CAMTA1: variants seen among roughly 807,000 people sequenced by gnomAD.
CAMTA1 encodes the protein calmodulin binding transcription activator 1, also known as calmodulin-binding transcription activator 1.
A neutral mutation model predicts 170.9 loss-of-function variants in CAMTA1; 27 were observed. That is an observed-to-expected ratio of 0.16 (90% CI 0.12 to 0.22). CAMTA1 has a LOEUF of 0.22. Ranked by LOEUF, CAMTA1 falls within the 10% of genes least tolerant of loss-of-function variation. The probability of loss-of-function intolerance (pLI) is 1.00; values close to 1 mark genes in which losing one functional copy is unlikely to be tolerated. For synonymous variants in CAMTA1, 833 were observed against 891.5 expected (o/e 0.93, Z 1.17); for missense variants, 1,619 against 2,217.2 (o/e 0.73, Z 5.42).
At chr1:7,074,040 G>A (rs1638986409) in intron 3 of CAMTA1, among the ~76,000 whole-genome samples, 1 of 152,162 alleles carries the variant, frequency 6.6e-6, no homozygotes, top group Non-Finnish European at 1.5e-5. Context: ...ACTGACTGCT[G>A]CCTGTCTGAT....
intron 4 of CAMTA1, among the ~76,000 whole-genome samples, chr1:7,131,685 C>T (rs1007506990): frequency 4.6e-5 from 7 of 152,032 alleles, no homozygotes; most frequent in Admixed American, 1.3e-4. Flanking sequence ...TTCATTTTTC[C>T]GTATGTCTCT....
At chr1:7,091,770 C>T (rs542492050) in intron 4 of CAMTA1, among the ~76,000 whole-genome samples, 3 of 152,296 alleles carry the variant, frequency 2.0e-5, no homozygotes, top group South Asian at 4.1e-4. Context: ...TGTCTACAAA[C>T]TGAAAGTCAA....
intron 6 of CAMTA1, among the ~76,000 whole-genome samples, chr1:7,598,320 T>C (rs998506894): frequency 5.3e-5 from 8 of 152,252 alleles, no homozygotes; most frequent in Non-Finnish European, 1.2e-4. Context: ...CACATTTTCT[T>C]AATCCAGTCT....
chr1:7,452,247 G>A (rs2092843632), intron 5 of CAMTA1, among the ~76,000 whole-genome samples: 2 of 152,116 alleles, frequency 1.3e-5, no homozygotes, highest in African/African-American at 4.8e-5. Flanking sequence ...TCCTCTCCAG[G>A]CCCCCCTCCG....
chr1:7,696,362 T>A (rs2096376321), intron 11 of CAMTA1, among the ~76,000 whole-genome samples: 1 of 152,184 alleles, frequency 6.6e-6, no homozygotes. Flanking sequence ...ACCTGGCTAC[T>A]TTTTTGTATT....
chr1:7,398,193 C>CTCTCTCTCTATA (rs1557651862), intron 5 of CAMTA1, among the ~76,000 whole-genome samples: 4 of 16,894 alleles, frequency 2.4e-4, no homozygotes, highest in African/African-American at 3.9e-4. Flanking sequence ...CTCTCTCTCT[C>CTCTCTCTCTATA]TATATATATA....
chr1:6,824,980 G>C, intron 2 of CAMTA1, 112 bp from the exon 3 acceptor site: 1 of 577,652 alleles, frequency 1.7e-6, no homozygotes, highest in Non-Finnish European at 3.1e-6. Flanking sequence ...GGCCTCTGAT[G>C]CTCTTGGTCT....
intron 6 of CAMTA1, among the ~76,000 whole-genome samples, chr1:7,480,362 CATGT>C (rs2149621623): frequency 6.7e-6 from 1 of 148,572 alleles, no homozygotes; most frequent in African/African-American, 2.5e-5. Context: ...TGTGTTTGTG[CATGT>C]GTGTGAGTGC....
intron 6 of CAMTA1, among the ~76,000 whole-genome samples, chr1:7,553,245 G>A (rs150097678): frequency 1.4e-5 from 1 of 71,328 alleles, no homozygotes; most frequent in Non-Finnish European, 4.2e-5. Flanking sequence ...ATGAATGAAT[G>A]AGGGAATGAA....
At chr1:7,506,590 C>T (rs954370806) in intron 6 of CAMTA1, among the ~76,000 whole-genome samples, 4 of 151,960 alleles carry the variant, frequency 2.6e-5, no homozygotes, top group African/African-American at 7.3e-5. Context: ...CACACTCACA[C>T]GCTCACACTC....
At chr1:7,384,269 C>T (rs141593425) in intron 5 of CAMTA1, among the ~76,000 whole-genome samples, 67 of 152,288 alleles carry the variant, frequency 4.4e-4, no homozygotes, top group African/African-American at 1.5e-3. Flanking sequence ...TGAAAGTGGC[C>T]GCAGCTTCAC....
chr1:7,150,046 G>A (rs1233841195), intron 4 of CAMTA1, among the ~76,000 whole-genome samples: 2 of 152,190 alleles, frequency 1.3e-5, no homozygotes, highest in African/African-American at 4.8e-5. Context: ...CTCCAACAGG[G>A]AGCAGCAGCC....
At chr1:7,330,665 A>G (rs892297034) in intron 5 of CAMTA1, among the ~76,000 whole-genome samples, 4 of 152,216 alleles carry the variant, frequency 2.6e-5, no homozygotes, top group African/African-American at 9.6e-5. Flanking sequence ...ACATGTGAAC[A>G]TGTACTGGAA....
chr1:7,463,511 AC>A lies in CAMTA1; in HGVS notation c.439-4318del, dbSNP rs2093140483. 6.6e-6 allele frequency among the ~76,000 whole-genome samples: 1 copy of A among 151,590 alleles called. No individual in the cohort carries two copies. Among genetic ancestry groups the A allele is most frequent in the South Asian group, 2.1e-4 (1 of 4,770 alleles). On this transcript the variant is annotated intron_variant, in intron 5 of 22. Coordinates refer to ENST00000303635, the MANE Select transcript of CAMTA1 (RefSeq NM_015215.4). The surrounding 1 kb of genome is among the most constrained non-coding windows in gnomAD (Gnocchi z 4.7). ...GATGGAGAGAGAGAGAAAGAAAGAGACTGAGAAAGAGATTGAGAGACAGGGA... is the reference window on the plus strand; with the variant it reads ...GATGGAGAGAGAGAGAAAGAAAGAGATGAGAAAGAGATTGAGAGACAGGGA...
At chr1:7,310,651 C>CCTTT (rs1557490606) in intron 5 of CAMTA1, among the ~76,000 whole-genome samples, 1 of 46,080 alleles carries the variant, frequency 2.2e-5, no homozygotes, top group African/African-American at 1.2e-4. Context: ...TTTCTTTTTT[C>CCTTT]TTTCTTTCTT....
rs1368541666 is a variant in CAMTA1 at position 7,736,660 on chromosome 1, A to C, written c.3263+120A>C. 2.0e-6 allele frequency: 2 copies of C among 995,962 alleles called. No individual in the cohort carries two copies. The highest frequency in any genetic ancestry group is 1.6e-5 in the African/African-American group (1 of 62,282). The allele number at this position is 995,962 out of a possible 1,614,324, so 61.7% of individuals were successfully genotyped here. A position where few individuals can be genotyped will look rare whatever the true frequency, so the allele number is the denominator to read the frequency against. Reference sequence around the variant, plus strand: ...TCAGTCCACTTTATAGCCGGCGAGCAAAGGGCTTTGTCCTTGGACAGTTTC... The same window carrying C: ...TCAGTCCACTTTATAGCCGGCGAGCCAAGGGCTTTGTCCTTGGACAGTTTC... On this transcript the variant is annotated intron_variant, in intron 13 of 22. Coordinates refer to ENST00000303635, the MANE Select transcript of CAMTA1 (RefSeq NM_015215.4). This position sits in a 1 kb window ranked among gnomAD's most constrained non-coding sequence, Gnocchi z 4.5.
intron 3 of CAMTA1, 41 bp from the exon 4 acceptor site, chr1:7,091,263 G>A: frequency 7.0e-7 from 1 of 1,436,864 alleles, no homozygotes; most frequent in East Asian, 2.3e-5. Flanking sequence ...GATCCAATGT[G>A]AGCTAATTGT....
chr1:6,863,943 C>T (rs917804048), intron 3 of CAMTA1, among the ~76,000 whole-genome samples: 1 of 152,212 alleles, frequency 6.6e-6, no homozygotes, highest in African/African-American at 2.4e-5. Context: ...TTTTGTTGAC[C>T]TTGACAGACT....
chr1:6,926,414 T>TTTTCTTTTCTTTC (rs1683113260), intron 3 of CAMTA1, among the ~76,000 whole-genome samples: 10 of 141,454 alleles, frequency 7.1e-5, no homozygotes, highest in African/African-American at 7.9e-5. Context: ...CTCCTCTCTC[T>TTTTCTTTTCTTTC]TTTCTTTTCT....
Sources: allele counts gnomAD v4.1 joint callset (sites outside exome capture counted in the v4.1 genomes callset), GRCh38; gene constraint gnomAD v4.1.1; non-coding constraint Gnocchi (gnomAD v3.1); transcripts MANE v1.5; gene names NCBI Gene and HGNC (gene_info 2026-07-23, HGNC 2026-07-21).